Variants in PIP4K2A observed in about 807,000 individuals in gnomAD.
PIP4K2A encodes phosphatidylinositol 5-phosphate 4-kinase type-2 alpha.
PIP4K2A carries 14 observed loss-of-function variants against 42.9 expected under a neutral mutation model. That is an observed-to-expected ratio of 0.33 (90% CI 0.22 to 0.51). PIP4K2A has a LOEUF of 0.51. Among genes scored for constraint, PIP4K2A ranks in the 20% least tolerant of loss-of-function variants. The pLI is 0.97. For missense variants in PIP4K2A, 434 were observed against 519.8 expected (o/e 0.83, Z 1.61); for synonymous variants, 192 against 192.2 (o/e 1.00, Z 0.01).
In PIP4K2A at chr10:22,714,242, T is replaced by G. The variant is rs1432912526; in HGVS notation, c.85A>C (p.Lys29Gln). ...AGCGGGTCGCTGGCCCGAAACAGCTTCACTTTCTGCGCTACGAAGTGCTTC... is the reference window on the plus strand; with the variant it reads ...AGCGGGTCGCTGGCCCGAAACAGCTGCACTTTCTGCGCTACGAAGTGCTTC... Reference protein sequence around the residue: ...KKKHFVAQKVKLFRASDPLLS... With the variant: ...KKKHFVAQKVQLFRASDPLLS... The change falls in exon 1 of 10, where the codon AAG becomes CAG. Residue 29 changes from lysine to glutamine, a missense_variant. Around this residue, in one of 2 missense-constraint regions of PIP4K2A, gnomAD observed 395 missense variants for 444.5 expected, o/e 0.89. Coordinates refer to ENST00000376573, the MANE Select transcript of PIP4K2A (RefSeq NM_005028.5). 1.2e-6 allele frequency: 2 copies of G among 1,612,400 alleles called. No homozygotes were observed. The highest frequency in any genetic ancestry group is 2.7e-5 in the African/African-American group (2 of 74,782).
intron 1 of PIP4K2A, among the ~76,000 whole-genome samples, chr10:22,711,168 A>G (rs1358500565): frequency 1.6e-4 from 25 of 152,198 alleles, no homozygotes; most frequent in Non-Finnish European, 5.9e-5. Context: ...TATCAAATTA[A>G]CCACACAATG....
chr10:22,690,309 G>C lies in PIP4K2A; in HGVS notation c.144+23874C>G, dbSNP rs200102522. 9.9e-5 allele frequency among the ~76,000 whole-genome samples: 15 copies of C among 152,268 alleles called. No homozygotes were observed. In the East Asian group the frequency reaches 2.9e-3, roughly 29 times the overall value. ...TTGCCCAAGGTCACACAGCTAATAA[G>C]TGCTGAGTCCAGCCAGTAGGCTCCT... On this transcript the variant is annotated intron_variant, in intron 1 of 9. Transcript: ENST00000376573.
At chr10:22,706,431 C>G (rs1015883841) in intron 1 of PIP4K2A, among the ~76,000 whole-genome samples, 1 of 152,128 alleles carries the variant, frequency 6.6e-6, no homozygotes, top group Non-Finnish European at 1.5e-5. Flanking sequence ...TTTGCACCAG[C>G]TGACCCCTCC....
At chr10:22,665,703 T>A (rs1203373572) in intron 1 of PIP4K2A, among the ~76,000 whole-genome samples, 1 of 151,320 alleles carries the variant, frequency 6.6e-6, no homozygotes, top group Admixed American at 6.6e-5. Flanking sequence ...TCCTCCCACC[T>A]TGGCCTCCCA....
intron 5 of PIP4K2A, among the ~76,000 whole-genome samples, chr10:22,571,145 G>C (rs1453204320): frequency 6.6e-6 from 1 of 152,214 alleles, no homozygotes; most frequent in Non-Finnish European, 1.5e-5. Flanking sequence ...GTGACGGTTT[G>C]AGTTATGAGT....
intron 7 of PIP4K2A, among the ~76,000 whole-genome samples, chr10:22,543,130 C>G (rs80087712): frequency 1.3e-5 from 2 of 152,170 alleles, no homozygotes; most frequent in African/African-American, 2.4e-5. Flanking sequence ...TGCTAAGCCC[C>G]GCAGAGTCAT....
chr10:22,575,056 C>T (rs999966737), intron 4 of PIP4K2A, among the ~76,000 whole-genome samples: 13 of 152,052 alleles, frequency 8.5e-5, no homozygotes, highest in Admixed American at 7.9e-4. Context: ...GGCAAGTTAC[C>T]AAATCACTCC....
chr10:22,598,140 T>A (rs1260646348), intron 3 of PIP4K2A, among the ~76,000 whole-genome samples: 1 of 152,174 alleles, frequency 6.6e-6, no homozygotes, highest in East Asian at 1.9e-4. Flanking sequence ...GGAAGATCAC[T>A]TGAGGCCAGG....
chr10:22,670,332 T>C (rs529645279), intron 1 of PIP4K2A, among the ~76,000 whole-genome samples: 207 of 152,258 alleles, frequency 1.4e-3, no homozygotes, highest in African/African-American at 4.7e-3. Flanking sequence ...TGAGCCGTTA[T>C]GGCACCACTG....
chr10:22,539,908 AGAGGG>A (rs1836054345), intron 9 of PIP4K2A, 58 bp downstream of exon 9: 1 of 198,230 alleles, frequency 5.0e-6, no homozygotes, highest in African/African-American at 7.8e-5. Context: ...AGAGAGAGAG[AGAGGG>A]AGAGAGAGAG....
At position 22,567,180 on chromosome 10, in the gene PIP4K2A, G is replaced by C. The variant is rs150290486; in HGVS notation, c.678+671C>G. ...TATAAGCATGTGTTGACTTGAGTTA[G>C]TTTAGGTTTACATCCAGGAAGCTAC... On this transcript the variant is annotated intron_variant, in intron 6 of 9. Transcript: ENST00000376573. Among the ~76,000 whole-genome samples, 372 of 152,330 alleles carry C rather than the reference G, an allele frequency of 2.4e-3. 1 individual carries two copies. Among genetic ancestry groups the C allele is most frequent in the African/African-American group, 8.4e-3 (351 of 41,580 alleles).
intron 1 of PIP4K2A, among the ~76,000 whole-genome samples, chr10:22,687,929 G>T (rs1455639126): frequency 6.6e-6 from 1 of 152,138 alleles, no homozygotes; most frequent in Non-Finnish European, 1.5e-5. Flanking sequence ...ATTGATAGAT[G>T]AATTTGCTTC....
At chr10:22,542,152 G>T in intron 7 of PIP4K2A, 105 bp from the exon 8 acceptor site, 1 of 966,024 alleles carries the variant, frequency 1.0e-6, no homozygotes, top group Non-Finnish European at 1.6e-6. Flanking sequence ...CTGTGGGGTG[G>T]GGCAGCAGAG....
At chr10:22,635,397 A>G (rs759672246) in intron 1 of PIP4K2A, among the ~76,000 whole-genome samples, 97 of 152,278 alleles carry the variant, frequency 6.4e-4, no homozygotes, top group Non-Finnish European at 9.0e-4. Flanking sequence ...TTTGTTGTGA[A>G]CCTAAAACTT....
At chr10:22,690,827 G>T (rs1409222517) in intron 1 of PIP4K2A, among the ~76,000 whole-genome samples, 3 of 152,226 alleles carry the variant, frequency 2.0e-5, no homozygotes, top group Non-Finnish European at 4.4e-5. Context: ...ATTATGCAAT[G>T]CTGCATTGAT....
At chr10:22,538,629 ATCAGAATGACCATGGAGTCT>A (rs1306657102) in intron 9 of PIP4K2A, among the ~76,000 whole-genome samples, 4 of 152,196 alleles carry the variant, frequency 2.6e-5, no homozygotes, top group Non-Finnish European at 5.9e-5. Context: ...AGAGGTGAGC[ATCAGAATGACCATGGAGTCT>A]TCTGAAGACC....
chr10:22,536,974 AC>A lies in PIP4K2A; in HGVS notation c.*226del. 4 of 362,194 alleles carry A rather than the reference AC, an allele frequency of 1.1e-5. No homozygotes were observed. Among genetic ancestry groups the A allele is most frequent in the East Asian group, 6.1e-5 (1 of 16,514 alleles). 22.4% of individuals were successfully genotyped at this position (362,194 alleles called of 1,614,324 possible). Reference sequence around the variant, plus strand: ...ACACACTCACCCCCCCCCAACACACACACACACACATATACACAAAGTCAGA... The same window carrying A: ...ACACACTCACCCCCCCCCAACACACAACACACACATATACACAAAGTCAGA... On this transcript the variant is annotated 3_prime_UTR_variant, in exon 10 of 10. Coordinates refer to ENST00000376573, the MANE Select transcript of PIP4K2A (RefSeq NM_005028.5).
At chr10:22,605,780 C>T (rs1837893486) in intron 3 of PIP4K2A, among the ~76,000 whole-genome samples, 1 of 151,150 alleles carries the variant, frequency 6.6e-6, no homozygotes, top group Admixed American at 6.6e-5. Flanking sequence ...CACTGGTGTT[C>T]AGCTTTTCTT....
intron 1 of PIP4K2A, among the ~76,000 whole-genome samples, chr10:22,651,898 A>AT (rs1839003743): frequency 6.6e-6 from 1 of 152,230 alleles, no homozygotes; most frequent in African/African-American, 2.4e-5. Context: ...TGATCTGGAT[A>AT]TAAAATAATG....
Sources: gnomAD v4.1 joint callset for allele counts (sites outside exome capture counted in the v4.1 genomes callset) on GRCh38, gnomAD v4.1.1 for gene constraint, gnomAD v4.1.1 regional missense constraint, MANE v1.5 for transcripts, NCBI Gene and HGNC (gene_info 2026-07-23, HGNC 2026-07-21) for gene names.